Variants in CUL9 observed in about 807,000 individuals in gnomAD.
CUL9 encodes the protein cullin 9, also known as cullin-9.
In CUL9, 79 loss-of-function variants were observed where a neutral mutation model predicts 272.6. The ratio of observed to expected loss-of-function variants is 0.29; its 90% confidence interval spans 0.24 to 0.35. CUL9 has a LOEUF of 0.35. Ranked by LOEUF, CUL9 falls within the 10% of genes least tolerant of loss-of-function variation. The pLI is 1.00. For synonymous variants in CUL9, 1,186 were observed against 1,286.5 expected, an observed-to-expected ratio of 0.92 and a Z score of 1.67; for missense variants, 2,532 against 3,255.6, an observed-to-expected ratio of 0.78 and a Z score of 5.41.
chr6:43,203,624 A>G lies in CUL9; in HGVS notation c.4025+32A>G. 1 of 1,605,208 alleles carries G rather than the reference A, an allele frequency of 6.2e-7. No homozygotes were observed. Among genetic ancestry groups the G allele is most frequent in the Non-Finnish European group, 8.5e-7 (1 of 1,176,298 alleles). On this transcript the variant is annotated intron_variant, in intron 19 of 40. Transcript: ENST00000252050. The surrounding 1 kb of genome is among the most constrained non-coding windows in gnomAD (Gnocchi z 5.0). ...GGGGCCTGAGGAGGGAAGATGGGTA[A>G]GGGAACAGGACACTGTGAGAAGTAG...
At chr6:43,204,060 T>C in intron 20 of CUL9, 73 bp downstream of exon 20, 11 of 1,511,772 alleles carry the variant, frequency 7.3e-6, no homozygotes, top group Non-Finnish European at 9.8e-6. Context: ...GAGTTAATGC[T>C]CTTGGTTCTT....
chr6:43,200,206 G>C lies in CUL9; in HGVS notation c.3384+50G>C, dbSNP rs1449919738. 6.5e-7 allele frequency: 1 copy of C among 1,548,556 alleles called. No individual in the cohort carries two copies. Among genetic ancestry groups the C allele is most frequent in the Non-Finnish European group, 8.9e-7 (1 of 1,128,308 alleles). The stretch of plus-strand genomic sequence containing the variant: ...GCTGAGAGAATGCAAGTCAGAAGCA[G>C]GAGAAGGGGATTCACTGTGTTCCTC... On this transcript the variant is annotated intron_variant, in intron 14 of 40. Transcript: ENST00000252050. The surrounding 1 kb of genome is among the most constrained non-coding windows in gnomAD (Gnocchi z 4.0).
At chr6:43,205,172 T>A in intron 23 of CUL9, 57 bp downstream of exon 23, 1 of 1,579,714 alleles carries the variant, frequency 6.3e-7, no homozygotes, top group Non-Finnish European at 8.6e-7. Context: ...TTCATCTCTT[T>A]CTGCTCTGCC....
At position 43,199,729 on chromosome 6, in the gene CUL9, G is replaced by A. The variant is rs886630125; in HGVS notation, c.3157-200G>A. Reference sequence around the variant, plus strand: ...AAGCAGCCTGGAAAGCTGTGCCCAAGCTCTGTTCTGCCAACTCACTCTGGA... The same window carrying A: ...AAGCAGCCTGGAAAGCTGTGCCCAAACTCTGTTCTGCCAACTCACTCTGGA... On this transcript the variant is annotated intron_variant, in intron 13 of 40. Coordinates refer to ENST00000252050, the MANE Select transcript of CUL9 (RefSeq NM_015089.4). This position sits in a 1 kb window ranked among gnomAD's most constrained non-coding sequence, Gnocchi z 4.4. Among the ~76,000 whole-genome samples, 3 of 152,158 alleles carry A rather than the reference G, an allele frequency of 2.0e-5. No individual in the cohort carries two copies. The highest frequency in any genetic ancestry group is 7.2e-5 in the African/African-American group (3 of 41,420).
chr6:43,217,554 C>A lies in CUL9; in HGVS notation c.6282+1051C>A, dbSNP rs549148382. 3.3e-3 allele frequency among the ~76,000 whole-genome samples: 504 copies of A among 152,292 alleles called. 2 individuals are homozygous for A. The highest frequency in any genetic ancestry group is 0.011 in the African/African-American group (469 of 41,554). On this transcript the variant is annotated intron_variant, in intron 31 of 40. Transcript: ENST00000252050. ...ACTTCAGTTTAGCAGGAGGGGCACT[C>A]CTGGTTGCCATGAATTCCAGCTGCT...
rs559403669 is a variant in CUL9 at position 43,191,670 on chromosome 6, C to T, written c.2181-1331C>T. On this transcript the variant is annotated intron_variant, in intron 8 of 40. Coordinates refer to ENST00000252050, the MANE Select transcript of CUL9 (RefSeq NM_015089.4). Reference sequence around the variant, plus strand: ...TGCAATCTCGGCTCACTGCAACCTCCGCCTCCTGGGTTCAAGCGATTCTCC... The same window carrying T: ...TGCAATCTCGGCTCACTGCAACCTCTGCCTCCTGGGTTCAAGCGATTCTCC... Among the ~76,000 whole-genome samples the T allele has an allele frequency of 1.6e-4, 24 of 151,518 alleles. No individual in the cohort carries two copies. The South Asian group carries it at 3.8e-3, about 24-fold the overall frequency.
chr6:43,197,685 T>C (rs1203504798), intron 11 of CUL9, among the ~76,000 whole-genome samples: 1 of 151,714 alleles, frequency 6.6e-6, no homozygotes, highest in East Asian at 2.0e-4. Context: ...GGTTTCACCA[T>C]GTTGGTCAGG....
In CUL9 at chr6:43,215,070, C is replaced by T. The variant is rs1161826818; in HGVS notation, c.5689-9C>T. 42 of 1,592,696 alleles carry T rather than the reference C, an allele frequency of 2.6e-5. No homozygotes were observed. The highest frequency in any genetic ancestry group is 3.6e-5 in the Non-Finnish European group (42 of 1,166,902). On this transcript the variant is annotated splice_polypyrimidine_tract_variant and intron_variant, in intron 29 of 40. Coordinates refer to ENST00000252050, the MANE Select transcript of CUL9 (RefSeq NM_015089.4). ...AAAGTGGACTTCTTGTTTCTTTCCT[C>T]CTATCCAGGTGCTGGAGGCCTGGCA...
chr6:43,183,112 T>C (rs1215074690), intron 1 of CUL9, among the ~76,000 whole-genome samples: 1 of 152,244 alleles, frequency 6.6e-6, no homozygotes, highest in Admixed American at 6.5e-5. Flanking sequence ...TTCCAAACTA[T>C]GCAGACAGTG....
chr6:43,196,974 T>C lies in CUL9; in HGVS notation c.2803+112T>C, dbSNP rs1348489767. Reference sequence around the variant, plus strand: ...GAAACTTCAGGAAATGAGCAAGCATTGTGCTCAAGTTAGGTCTTAAGTAGA... The same window carrying C: ...GAAACTTCAGGAAATGAGCAAGCATCGTGCTCAAGTTAGGTCTTAAGTAGA... On this transcript the variant is annotated intron_variant, in intron 11 of 40. Coordinates refer to ENST00000252050, the MANE Select transcript of CUL9 (RefSeq NM_015089.4). 3.4e-6 allele frequency: 3 copies of C among 877,652 alleles called. No homozygotes were observed. The Admixed American group carries it at 6.8e-5, about 20-fold the overall frequency. The allele number at this position is 877,652 out of a possible 1,614,324, so 54.4% of individuals were successfully genotyped here.
Position 43,187,813 on chromosome 6 carries a change from A to C in CUL9, c.1682A>C (p.Asn561Thr). The C allele has an allele frequency of 1.9e-6, 3 of 1,614,008 alleles. No homozygotes were observed. Among genetic ancestry groups the C allele is most frequent in the Non-Finnish European group, 2.5e-6 (3 of 1,179,996 alleles). ...LSSRFEGSTL[N>T]DLLNSQIYTK... Reference sequence around the variant, plus strand: ...AGTCGATTTGAGGGCAGCACTCTCAATGACCTGCTCAACTCCCAGATCTAC... The same window carrying C: ...AGTCGATTTGAGGGCAGCACTCTCACTGACCTGCTCAACTCCCAGATCTAC... Residue 561 changes from asparagine (N) to threonine (T), a missense_variant, in exon 7 of 41, where the codon AAT becomes ACT. Around this residue, in one of 3 missense-constraint regions of CUL9, gnomAD observed 2,218 missense variants for 2,788.6 expected, o/e 0.80. Coordinates refer to ENST00000252050, the MANE Select transcript of CUL9 (RefSeq NM_015089.4).
Position 43,184,270 on chromosome 6 carries a change from T to A in CUL9, c.-9-32T>A. On this transcript the variant is annotated intron_variant, in intron 1 of 40. Coordinates refer to ENST00000252050, the MANE Select transcript of CUL9 (RefSeq NM_015089.4). The surrounding 1 kb of genome is among the most constrained non-coding windows in gnomAD (Gnocchi z 4.8). Reference sequence around the variant, plus strand: ...TCCATGTATTTTTTTTCTTTTCTCATACTGCCTTATCTTTCTCCTTGTGTA... The same window carrying A: ...TCCATGTATTTTTTTTCTTTTCTCAAACTGCCTTATCTTTCTCCTTGTGTA... The A allele has an allele frequency of 7.2e-7, 1 of 1,383,856 alleles. No individual in the cohort carries two copies. Among genetic ancestry groups the A allele is most frequent in the Non-Finnish European group, 9.5e-7 (1 of 1,055,554 alleles). The allele number at this position is 1,383,856 out of a possible 1,614,324, so 85.7% of individuals were successfully genotyped here. A position where few individuals can be genotyped will look rare whatever the true frequency, so the allele number is the denominator to read the frequency against.
chr6:43,190,870 GACCCTC>G (rs1362289944), intron 8 of CUL9, among the ~76,000 whole-genome samples: 1 of 152,084 alleles, frequency 6.6e-6, no homozygotes, highest in South Asian at 2.1e-4. Context: ...TTTCTCTCCT[GACCCTC>G]ACCGTGATCT....
chr6:43,197,050 A>AT (rs368413188), intron 11 of CUL9, among the ~76,000 whole-genome samples, 188 bp downstream of exon 11: 325 of 146,604 alleles, frequency 2.2e-3, no homozygotes, highest in East Asian at 0.013. Context: ...AGGAAATTGC[A>AT]TTTTTTTTTT....
chr6:43,213,044 C>T lies in CUL9; in HGVS notation c.5213-105C>T. On this transcript the variant is annotated intron_variant, in intron 26 of 40. Coordinates refer to ENST00000252050, the MANE Select transcript of CUL9 (RefSeq NM_015089.4). This position sits in a 1 kb window ranked among gnomAD's most constrained non-coding sequence, Gnocchi z 5.7. ...CTCTCTGTCTGAAAATGCTGGGGCC[C>T]TCCTCCCCATAGGGACTAGTAGGAG... is the stretch of plus-strand genomic sequence containing the variant. The T allele has an allele frequency of 6.2e-6, 8 of 1,293,264 alleles. No homozygotes were observed. The highest frequency in any genetic ancestry group is 8.6e-6 in the Non-Finnish European group (8 of 933,482). 80.1% of individuals were successfully genotyped at this position (1,293,264 alleles called of 1,614,324 possible).
Position 43,221,040 on chromosome 6 carries a change from T to C in CUL9, c.6589-118T>C. ...CAGCCTCTGCCACCCAGTTGAGCTCTGTTCCTCTTCCTGGAGCCCTCCAAA... is the reference window on the plus strand; with the variant it reads ...CAGCCTCTGCCACCCAGTTGAGCTCCGTTCCTCTTCCTGGAGCCCTCCAAA... On this transcript the variant is annotated intron_variant, in intron 33 of 40. Coordinates refer to ENST00000252050, the MANE Select transcript of CUL9 (RefSeq NM_015089.4). The surrounding 1 kb of genome is among the most constrained non-coding windows in gnomAD (Gnocchi z 4.2). 6.8e-7 allele frequency: 1 copy of C among 1,474,814 alleles called. No homozygotes were observed. Among genetic ancestry groups the C allele is most frequent in the Non-Finnish European group, 9.1e-7 (1 of 1,099,998 alleles). The allele number at this position is 1,474,814 out of a possible 1,614,324, so 91.4% of individuals were successfully genotyped here. A position where few individuals can be genotyped will look rare whatever the true frequency, so the allele number is the denominator to read the frequency against.
intron 26 of CUL9, among the ~76,000 whole-genome samples, chr6:43,210,542 A>G (rs1260594832): frequency 6.6e-6 from 1 of 152,210 alleles, no homozygotes; most frequent in Non-Finnish European, 1.5e-5. Context: ...CGGGGGAGAT[A>G]CTTTAAAATC....
At chr6:43,214,283 G>C (rs1393671356) in intron 29 of CUL9, among the ~76,000 whole-genome samples, 1 of 152,116 alleles carries the variant, frequency 6.6e-6, no homozygotes, top group Non-Finnish European at 1.5e-5. Context: ...AGCTGGGCAT[G>C]GTGGCACATG....
rs200480334 is a variant in CUL9 at position 43,186,495 on chromosome 6, T to C, written c.1251+40T>C. 2.6e-6 allele frequency: 4 copies of C among 1,551,606 alleles called. No individual in the cohort carries two copies. The Admixed American group carries it at 5.4e-5, about 21-fold the overall frequency. On this transcript the variant is annotated intron_variant, in intron 4 of 40. Transcript: ENST00000252050. The stretch of plus-strand genomic sequence containing the variant: ...GTGGTGAGACACTGTTGGGAGTTTA[T>C]TTGGGGTGGGGTGTAGCTGGGACTT...
Sources: allele counts gnomAD v4.1 joint callset (sites outside exome capture counted in the v4.1 genomes callset), GRCh38; gene constraint gnomAD v4.1.1; regional missense constraint gnomAD v4.1.1; non-coding constraint Gnocchi (gnomAD v3.1); transcripts MANE v1.5; gene names NCBI Gene and HGNC (gene_info 2026-07-23, HGNC 2026-07-21).